The following AIG1 variants were observed in gnomAD, a reference collection of about 807,000 sequenced individuals.
AIG1 encodes androgen induced 1.
In AIG1, 23 loss-of-function variants were observed where a neutral mutation model predicts 31.4. That is an observed-to-expected ratio of 0.73 (90% CI 0.53 to 1.04). The LOEUF (loss-of-function observed/expected upper bound fraction) is 1.04, where lower values mean the gene tolerates loss of function less well. Ranked by LOEUF, AIG1 falls within the 50% of genes least tolerant of loss-of-function variation. The probability of loss-of-function intolerance (pLI) is 0.00; values close to 1 mark genes in which losing one functional copy is unlikely to be tolerated. For synonymous variants in AIG1, 100 were observed against 110.5 expected, an observed-to-expected ratio of 0.90 and a Z score of 0.60; for missense variants, 274 against 295.0, an observed-to-expected ratio of 0.93 and a Z score of 0.52.
intron 2 of AIG1, among the ~76,000 whole-genome samples, chr6:143,150,369 T>C (rs2328453): frequency 0.039 from 5,885 of 152,304 alleles, 438 homozygotes; most frequent in East Asian, 0.32. Flanking sequence ...AAGCCTTCAA[T>C]AGACCTTCTG....
chr6:143,205,087 C>A (rs1228215246), intron 3 of AIG1, among the ~76,000 whole-genome samples: 1 of 152,106 alleles, frequency 6.6e-6, no homozygotes, highest in African/African-American at 2.4e-5. Flanking sequence ...CTTTGTGTAC[C>A]AAACACATGT....
intron 1 of AIG1, among the ~76,000 whole-genome samples, chr6:143,134,876 G>A (rs1562411681): frequency 6.6e-6 from 1 of 152,050 alleles, no homozygotes; most frequent in Non-Finnish European, 1.5e-5. Context: ...GCAGGCTAAT[G>A]TGTGTGTTCT....
chr6:143,254,333 G>A (rs1341519982), intron 3 of AIG1, among the ~76,000 whole-genome samples: 1 of 152,104 alleles, frequency 6.6e-6, no homozygotes, highest in Non-Finnish European at 1.5e-5. Context: ...CCCTCCTCAG[G>A]TGGACATTTT....
intron 4 of AIG1, among the ~76,000 whole-genome samples, chr6:143,290,256 A>C (rs1457447290): frequency 6.6e-6 from 1 of 152,236 alleles, no homozygotes; most frequent in Non-Finnish European, 1.5e-5. Context: ...GAATGAAAGG[A>C]AGTAAAGAAC....
intron 3 of AIG1, among the ~76,000 whole-genome samples, chr6:143,239,363 C>T (rs2128637715): frequency 6.6e-6 from 1 of 152,286 alleles, no homozygotes; most frequent in East Asian, 1.9e-4. Flanking sequence ...CCTTCACGAC[C>T]CACAGAACCC....
intron 3 of AIG1, among the ~76,000 whole-genome samples, chr6:143,245,908 T>A (rs1246671695): frequency 6.6e-6 from 1 of 152,188 alleles, no homozygotes; most frequent in East Asian, 1.9e-4. Flanking sequence ...GATCGGGGTT[T>A]AGGGCACGGT....
At chr6:143,285,860 A>G (rs1356840164) in intron 4 of AIG1, among the ~76,000 whole-genome samples, 4 of 152,190 alleles carry the variant, frequency 2.6e-5, no homozygotes, top group Non-Finnish European at 1.5e-5. Flanking sequence ...TTAAAAATAG[A>G]TTTATGTCCT....
At chr6:143,244,057 T>C (rs961742579) in intron 3 of AIG1, among the ~76,000 whole-genome samples, 6 of 152,208 alleles carry the variant, frequency 3.9e-5, no homozygotes, top group Non-Finnish European at 8.8e-5. Context: ...TGAGTACACA[T>C]GACACCTGCC....
Position 143,280,401 on chromosome 6 carries a change from A to G in AIG1, c.400-3709A>G, listed in dbSNP as rs1287770204. Among the ~76,000 whole-genome samples, 1 of 152,220 alleles carries G rather than the reference A, an allele frequency of 6.6e-6. No individual in the cohort carries two copies. Among genetic ancestry groups the G allele is most frequent in the Non-Finnish European group, 1.5e-5 (1 of 68,042 alleles). ...TGCCCAGAAGAATAGAAATCATTCT[A>G]CCATAAAGATATATGTGCACAAATG... On this transcript the variant is annotated intron_variant, in intron 3 of 5. Coordinates refer to ENST00000357847, the MANE Select transcript of AIG1 (RefSeq NM_016108.4). The surrounding 1 kb of genome is among the most constrained non-coding windows in gnomAD (Gnocchi z 4.1).
intron 1 of AIG1, among the ~76,000 whole-genome samples, chr6:143,098,700 C>T (rs1219730876): frequency 6.6e-6 from 1 of 152,216 alleles, no homozygotes; most frequent in Non-Finnish European, 1.5e-5. Flanking sequence ...CCCAAACCTG[C>T]TTCTACTCCC....
Position 143,291,957 on chromosome 6 carries a change from G to A in AIG1, c.515+7732G>A, listed in dbSNP as rs1190033830. ...CCAATGTGTTAAGAGTGGATTGAAG[G>A]CAAGGGTAGAACAAGGAGAAGAGAA... On this transcript the variant is annotated intron_variant, in intron 4 of 5. Transcript: ENST00000357847. The surrounding 1 kb of genome is among the most constrained non-coding windows in gnomAD (Gnocchi z 4.2). Among the ~76,000 whole-genome samples the A allele has an allele frequency of 1.3e-5, 2 of 152,208 alleles. No homozygotes were observed.
At chr6:143,214,771 G>A (rs1452715106) in intron 3 of AIG1, among the ~76,000 whole-genome samples, 2 of 152,082 alleles carry the variant, frequency 1.3e-5, no homozygotes, top group Admixed American at 6.6e-5. Context: ...GCACACCTAT[G>A]CTTCACCAGC....
At chr6:143,067,786 A>G (rs1215742442) in intron 1 of AIG1, among the ~76,000 whole-genome samples, 1 of 152,212 alleles carries the variant, frequency 6.6e-6, no homozygotes, top group Non-Finnish European at 1.5e-5. Context: ...TACTCAGGGA[A>G]CAAAATTAGG....
intron 4 of AIG1, among the ~76,000 whole-genome samples, chr6:143,318,028 C>T (rs573586406): frequency 6.6e-6 from 1 of 152,252 alleles, no homozygotes; most frequent in East Asian, 1.9e-4. Flanking sequence ...ACATCCCATG[C>T]TCATGGATAG....
chr6:143,234,247 G>A (rs2128633818), intron 3 of AIG1, among the ~76,000 whole-genome samples: 1 of 152,240 alleles, frequency 6.6e-6, no homozygotes, highest in Non-Finnish European at 1.5e-5. Flanking sequence ...CTTTTCAAAG[G>A]TAAAAGATTT....
At chr6:143,188,758 A>G (rs1651668451) in intron 3 of AIG1, 19 of 985,452 alleles carry the variant, frequency 1.9e-5, no homozygotes, top group Non-Finnish European at 2.2e-5. Context: ...AATAATCTCC[A>G]CAAAGTAATC....
At chr6:143,240,906 T>C (rs1431783172) in intron 3 of AIG1, among the ~76,000 whole-genome samples, 3 of 152,114 alleles carry the variant, frequency 2.0e-5, no homozygotes, top group Admixed American at 6.5e-5. Context: ...AGTATCTGAC[T>C]TAAAGGACTT....
intron 2 of AIG1, among the ~76,000 whole-genome samples, chr6:143,157,630 C>G (rs1785924571): frequency 6.6e-6 from 1 of 152,092 alleles, no homozygotes; most frequent in African/African-American, 2.4e-5. Flanking sequence ...TCACCAAAGG[C>G]AATTTTTCCT....
chr6:143,242,433 C>A (rs747544463), intron 3 of AIG1, among the ~76,000 whole-genome samples: 1 of 152,176 alleles, frequency 6.6e-6, no homozygotes, highest in Non-Finnish European at 1.5e-5. Flanking sequence ...TTTGTTTAAT[C>A]CCCACAACTA....
Sources: gnomAD v4.1 joint callset for allele counts (sites outside exome capture counted in the v4.1 genomes callset) on GRCh38, gnomAD v4.1.1 for gene constraint, Gnocchi (gnomAD v3.1) non-coding constraint, MANE v1.5 for transcripts, NCBI Gene and HGNC (gene_info 2026-07-23, HGNC 2026-07-21) for gene names.